Variants in DBH observed in about 807,000 individuals in gnomAD.
DBH encodes the protein dopamine beta-hydroxylase (dopamine beta-monooxygenase).
A neutral mutation model predicts 64.0 loss-of-function variants in DBH; 49 were observed. The observed-to-expected ratio is 0.77, with a 90% CI of 0.61 to 0.97. The LOEUF is 0.97. DBH is among the 50% of genes least tolerant of loss of function. The pLI is 0.00. For missense variants in DBH, 828 were observed against 826.6 expected, an observed-to-expected ratio of 1.00 and a Z score of -0.02; for synonymous variants, 343 against 347.1, an observed-to-expected ratio of 0.99 and a Z score of 0.13.
At position 133,636,536 on chromosome 9, in the gene DBH, G is replaced by C. The variant is rs139591190; in HGVS notation, c.165G>C (p.Pro55=). ...SPLPYHIPLD[P]EGSLELSWNV... ...TCCCCTATCACATCCCCCTGGACCC[G>C]GAGGGGTCCCTGGAGCTCTCATGGA... Residue 55 remains proline (P), a synonymous_variant, in exon 1 of 12, where the codon CCG becomes CCC. Coordinates refer to ENST00000393056, the MANE Select transcript of DBH (RefSeq NM_000787.4). 10 of 1,613,498 alleles carry C rather than the reference G, an allele frequency of 6.2e-6. No homozygotes were observed. In the South Asian group the frequency reaches 8.8e-5, roughly 14 times the overall value.
At chr9:133,647,552 C>T (rs936254267) in intron 5 of DBH, among the ~76,000 whole-genome samples, 3 of 152,342 alleles carry the variant, frequency 2.0e-5, no homozygotes, top group African/African-American at 4.8e-5. Context: ...AAGTGGCTCA[C>T]GTTGATCACA....
chr9:133,647,058 G>T (rs1263791934), intron 5 of DBH, among the ~76,000 whole-genome samples: 5 of 152,154 alleles, frequency 3.3e-5, no homozygotes, highest in Admixed American at 1.3e-4. Flanking sequence ...CACACAGCAC[G>T]CTGTTGACCA....
intron 5 of DBH, among the ~76,000 whole-genome samples, chr9:133,646,148 A>G (rs377164761): frequency 9.7e-4 from 148 of 152,180 alleles, no homozygotes; most frequent in African/African-American, 3.4e-3. Context: ...TGTGACTAGA[A>G]TTTTATATCT....
intron 6 of DBH, among the ~76,000 whole-genome samples, chr9:133,649,955 A>C (rs1832224704): frequency 6.6e-6 from 1 of 152,152 alleles, no homozygotes; most frequent in Non-Finnish European, 1.5e-5. Flanking sequence ...CAGATAAAAG[A>C]GGGGCACAAA....
In DBH at chr9:133,657,201, G is replaced by A; in HGVS notation, c.1694G>A (p.Cys565Tyr). ...AGCTTCGCGCCCATCTCCATGCACT[G>A]CAACAAGTCCTCAGCCGTCCGCTTC... ...LYSFAPISMH[C>Y]NKSSAVRFQG... Residue 565 changes from cysteine to tyrosine, a missense_variant, in exon 11 of 12, where the codon TGC (cysteine) becomes TAC (tyrosine). Coordinates refer to ENST00000393056, the MANE Select transcript of DBH (RefSeq NM_000787.4). The A allele has an allele frequency of 1.2e-6, 2 of 1,614,112 alleles. No homozygotes were observed. The highest frequency in any genetic ancestry group is 8.5e-7 in the Non-Finnish European group (1 of 1,180,044).
intron 6 of DBH, among the ~76,000 whole-genome samples, chr9:133,649,136 G>T (rs1478928642): frequency 6.6e-6 from 1 of 152,190 alleles, no homozygotes; most frequent in African/African-American, 2.4e-5. Flanking sequence ...TTGTGGACTT[G>T]AGGATCTTTT....
Position 133,643,351 on chromosome 9 carries a change from G to A in DBH, c.745-62G>A. ...GGGCATTCGGAAGCCCATGGAGGAG[G>A]GCTGCTGGGGAGGGGAGGGTGGGCG... On this transcript the variant is annotated intron_variant, in intron 3 of 11. Transcript: ENST00000393056. This position sits in a 1 kb window ranked among gnomAD's most constrained non-coding sequence, Gnocchi z 5.3. 3 of 1,575,658 alleles carry A rather than the reference G, an allele frequency of 1.9e-6. No homozygotes were observed. The highest frequency in any genetic ancestry group is 2.2e-5 in the East Asian group (1 of 44,580).
intron 1 of DBH, among the ~76,000 whole-genome samples, chr9:133,638,281 C>G (rs1832075729): frequency 6.6e-6 from 1 of 152,252 alleles, no homozygotes; most frequent in Admixed American, 6.5e-5. Flanking sequence ...TAAAATGAGT[C>G]TCTCGGCAAA....
chr9:133,656,627 G>A lies in DBH; in HGVS notation c.1539G>A (p.Gln513=), dbSNP rs78516399. The change falls in exon 10 of 12, where the codon CAG becomes CAA. Residue 513 remains glutamine (Q), a synonymous_variant. Transcript: ENST00000393056. ...GCGCTGTGGACGCCGGCTTCCTGCAGAAGTACTTCCACCTCATCAACAGGT... is the reference window on the plus strand; with the variant it reads ...GCGCTGTGGACGCCGGCTTCCTGCAAAAGTACTTCCACCTCATCAACAGGT... ...CKSAVDAGFL[Q]KYFHLINRFN... 1.0e-3 allele frequency: 1,636 copies of A among 1,612,950 alleles called. 9 individuals are homozygous for A. The African/African-American group carries it at 0.02, about 20-fold the overall frequency.
Position 133,643,574 on chromosome 9 carries a change from G to A in DBH, c.906G>A (p.Trp302Ter), listed in dbSNP as rs1311272429. The A allele has an allele frequency of 1.6e-5, 26 of 1,613,338 alleles. No homozygotes were observed. The highest frequency in any genetic ancestry group is 2.2e-5 in the Non-Finnish European group (26 of 1,179,904). The change falls in exon 4 of 12, where the codon TGG becomes TGA. Residue 302 changes from tryptophan to a stop codon, truncating the protein, a stop_gained. Transcript: ENST00000393056. LOFTEE classifies it high-confidence loss of function. This position sits in a 1 kb window ranked among gnomAD's most constrained non-coding sequence, Gnocchi z 5.3. Reference sequence around the variant, plus strand: ...ACTGCCGCCACGTGCTGGCCGCCTGGGCCCTGGGTGCCAAGGTGCGTGCCC... The same window carrying A: ...ACTGCCGCCACGTGCTGGCCGCCTGAGCCCTGGGTGCCAAGGTGCGTGCCC... The part of the protein sequence containing the change: ...LNYCRHVLAA[W>*]ALGAKAFYYP...
intron 5 of DBH, 72 bp downstream of exon 5, chr9:133,644,392 GC>G: frequency 8.0e-7 from 1 of 1,256,320 alleles, no homozygotes; most frequent in Non-Finnish European, 1.2e-6. Flanking sequence ...AGCAAATCCC[GC>G]CCTTCGTCTG....
intron 5 of DBH, among the ~76,000 whole-genome samples, chr9:133,646,872 C>T (rs1832188118): frequency 6.6e-6 from 1 of 152,132 alleles, no homozygotes; most frequent in Non-Finnish European, 1.5e-5. Flanking sequence ...GGAGGCTGGC[C>T]CAGGGAGCTT....
chr9:133,650,470 C>CTTTCTT (rs1022544522), intron 6 of DBH, among the ~76,000 whole-genome samples: 1 of 146,676 alleles, frequency 6.8e-6, no homozygotes, highest in Non-Finnish European at 1.5e-5. Context: ...TTTTCTTTTT[C>CTTTCTT]TTTCTTTTTC....
At chr9:133,642,815 TCGAACACC>T (rs993184323) in intron 3 of DBH, among the ~76,000 whole-genome samples, 7 of 152,196 alleles carry the variant, frequency 4.6e-5, no homozygotes, top group African/African-American at 1.7e-4. Flanking sequence ...TCACTTGCTC[TCGAACACC>T]CGTCCGGGGA....
At chr9:133,647,812 A>G (rs767221538) in intron 5 of DBH, 34 bp from the exon 6 acceptor site, 22 of 1,613,568 alleles carry the variant, frequency 1.4e-5, no homozygotes, top group Non-Finnish European at 1.9e-5. Flanking sequence ...GCCTCCACTT[A>G]CCGCTCACCT....
rs147588748 is a variant in DBH, at chr9:133,658,541, C to A, written c.*94C>A. Reference sequence around the variant, plus strand: ...TCTGCGACGATCCCCATGGAACAGCCCTGCACGCCCAGGATGAAGGGGCCA... The same window carrying A: ...TCTGCGACGATCCCCATGGAACAGCACTGCACGCCCAGGATGAAGGGGCCA... On this transcript the variant is annotated 3_prime_UTR_variant, in exon 12 of 12. Transcript: ENST00000393056. 1,465 of 1,377,478 alleles carry A rather than the reference C, an allele frequency of 1.1e-3. 8 individuals carry two copies. In the African/African-American group the frequency reaches 0.02, roughly 19 times the overall value. The allele number at this position is 1,377,478 out of a possible 1,614,324, so 85.3% of individuals were successfully genotyped here. A position where few individuals can be genotyped will look rare whatever the true frequency, so the allele number is the denominator to read the frequency against.
intron 3 of DBH, 45 bp downstream of exon 3, chr9:133,642,509 CCTCCCGGGCCT>C (rs1832129794): frequency 3.2e-6 from 5 of 1,560,894 alleles, no homozygotes; most frequent in Non-Finnish European, 4.3e-6. Context: ...GCCCTGCCTT[CCTCCCGGGCCT>C]GGGTTGTCCC....
chr9:133,649,436 C>T (rs1832219484), intron 6 of DBH, among the ~76,000 whole-genome samples: 1 of 152,222 alleles, frequency 6.6e-6, no homozygotes, highest in Non-Finnish European at 1.5e-5. Context: ...AAATACCAGT[C>T]TGTCTGACTT....
intron 6 of DBH, among the ~76,000 whole-genome samples, chr9:133,649,051 G>A (rs1326556332): frequency 6.6e-6 from 1 of 152,144 alleles, no homozygotes; most frequent in African/African-American, 2.4e-5. Context: ...TGACCCACTG[G>A]ATTATTAATA....
Sources: gnomAD v4.1 joint callset for allele counts (sites outside exome capture counted in the v4.1 genomes callset) on GRCh38, gnomAD v4.1.1 for gene constraint, Gnocchi (gnomAD v3.1) non-coding constraint, MANE v1.5 for transcripts, NCBI Gene and HGNC (gene_info 2026-07-23, HGNC 2026-07-21) for gene names.